Variants in AP3S1 observed in about 807,000 individuals in gnomAD.
The protein encoded by AP3S1 is adaptor related protein complex 3 subunit sigma 1.
AP3S1 carries 12 observed loss-of-function variants against 21.3 expected under a neutral mutation model. That is an observed-to-expected ratio of 0.56 (90% confidence interval 0.36 to 0.91). AP3S1 has a LOEUF of 0.91. Ranked by LOEUF, AP3S1 falls within the 40% of genes least tolerant of loss-of-function variation. The pLI, the probability that AP3S1 is intolerant of heterozygous loss-of-function variation, is 0.01. For synonymous variants in AP3S1, 48 were observed against 78.4 expected, an observed-to-expected ratio of 0.61 and a Z score of 2.05; for missense variants, 116 against 225.0, an observed-to-expected ratio of 0.52 and a Z score of 3.10.
intron 3 of AP3S1, among the ~76,000 whole-genome samples, chr5:115,890,575 A>G (rs1379163529): frequency 6.6e-6 from 1 of 152,196 alleles, no homozygotes; most frequent in African/African-American, 2.4e-5. Context: ...TGTTGATTAT[A>G]CAGAAAAATT....
Position 115,861,860 on chromosome 5 carries a change from C to CTT in AP3S1, c.70-4807_70-4806dup, listed in dbSNP as rs1485174401. The stretch of plus-strand genomic sequence containing the variant: ...CTGAACCAGGCCAAAATTTTCTTTT[C>CTT]TTTTCTTTTTTTTTTTTTTTTTTTG... On this transcript the variant is annotated intron_variant, in intron 1 of 5. Transcript: ENST00000316788. Among the ~76,000 whole-genome samples the CTT allele has an allele frequency of 4.6e-3, 553 of 119,820 alleles. 16 individuals carry two copies. Among genetic ancestry groups the CTT allele is most frequent in the Middle Eastern group, 0.01 (2 of 196 alleles). 78.6% of individuals were successfully genotyped at this position (119,820 alleles called of 152,430 possible).
At chr5:115,870,348 C>T (rs1748118722) in intron 3 of AP3S1, among the ~76,000 whole-genome samples, 1 of 152,094 alleles carries the variant, frequency 6.6e-6, no homozygotes, top group Non-Finnish European at 1.5e-5. Context: ...TTTTATCTTG[C>T]TCATGTAAGT....
intron 3 of AP3S1, among the ~76,000 whole-genome samples, chr5:115,874,379 T>A (rs1009913224): frequency 6.6e-6 from 1 of 152,062 alleles, no homozygotes; most frequent in Admixed American, 6.6e-5. Context: ...TAATGTTGGG[T>A]TGAGTTATTT....
chr5:115,844,484 C>T (rs1466788659), intron 1 of AP3S1, among the ~76,000 whole-genome samples: 1 of 152,190 alleles, frequency 6.6e-6, no homozygotes, highest in African/African-American at 2.4e-5. Context: ...GTAAGAAAGG[C>T]AGCCTTGCAG....
chr5:115,872,913 C>T (rs1405352618), intron 3 of AP3S1, among the ~76,000 whole-genome samples: 2 of 152,042 alleles, frequency 1.3e-5, no homozygotes, highest in African/African-American at 4.8e-5. Flanking sequence ...CTCTGTTTCC[C>T]ATGACTGAAG....
intron 5 of AP3S1, among the ~76,000 whole-genome samples, chr5:115,912,427 G>T (rs115474128): frequency 6.6e-6 from 1 of 151,956 alleles, no homozygotes; most frequent in Non-Finnish European, 1.5e-5. Context: ...GGCTGTTAAC[G>T]TAGGTGAGAA....
intron 4 of AP3S1, among the ~76,000 whole-genome samples, chr5:115,901,689 G>A (rs1267827535): frequency 6.6e-6 from 1 of 151,898 alleles, no homozygotes; most frequent in African/African-American, 2.4e-5. Context: ...CGAGTAGCTG[G>A]AAGTACAGAC....
intron 1 of AP3S1, among the ~76,000 whole-genome samples, chr5:115,856,000 T>C (rs1256794821): frequency 6.6e-6 from 1 of 152,168 alleles, no homozygotes; most frequent in Non-Finnish European, 1.5e-5. Flanking sequence ...TTTTAAAGTT[T>C]ATTTTTGTTT....
chr5:115,873,358 G>T (rs931010317), intron 3 of AP3S1, among the ~76,000 whole-genome samples: 1 of 152,108 alleles, frequency 6.6e-6, no homozygotes, highest in African/African-American at 2.4e-5. Flanking sequence ...CACTTGTTTT[G>T]ATATTAGATA....
At chr5:115,889,124 C>T (rs1387197906) in intron 3 of AP3S1, among the ~76,000 whole-genome samples, 1 of 151,986 alleles carries the variant, frequency 6.6e-6, no homozygotes, top group African/African-American at 2.4e-5. Context: ...CTATCACGAA[C>T]TTTTTTTTCT....
chr5:115,876,098 C>G (rs1332497434), intron 3 of AP3S1, among the ~76,000 whole-genome samples: 1 of 152,138 alleles, frequency 6.6e-6, no homozygotes, highest in Admixed American at 6.5e-5. Context: ...GGATTTGAAT[C>G]TTGGCTCTGT....
intron 5 of AP3S1, among the ~76,000 whole-genome samples, chr5:115,905,613 C>G (rs1421318635): frequency 6.6e-6 from 1 of 152,174 alleles, no homozygotes; most frequent in African/African-American, 2.4e-5. Context: ...TAAAACAGCA[C>G]TGAAAATTAT....
chr5:115,847,565 G>A (rs956622886), intron 1 of AP3S1, among the ~76,000 whole-genome samples: 2 of 152,234 alleles, frequency 1.3e-5, no homozygotes, highest in Non-Finnish European at 2.9e-5. Context: ...GCTGCAATGA[G>A]CTGAGATTGC....
chr5:115,866,799 C>T (rs438406), intron 2 of AP3S1, 38 bp downstream of exon 2: 1 of 1,413,988 alleles, frequency 7.1e-7, no homozygotes, highest in Non-Finnish European at 9.8e-7. Context: ...TAAGTTTTGA[C>T]TATGTGATTA....
intron 1 of AP3S1, among the ~76,000 whole-genome samples, chr5:115,858,918 C>G (rs1203839588): frequency 6.6e-6 from 1 of 150,388 alleles, no homozygotes; most frequent in Non-Finnish European, 1.5e-5. Flanking sequence ...TTATGTTTAA[C>G]TTTTTAAAAA....
chr5:115,852,772 T>G (rs1762530176), intron 1 of AP3S1, among the ~76,000 whole-genome samples: 2 of 152,290 alleles, frequency 1.3e-5, no homozygotes, highest in South Asian at 4.1e-4. Context: ...AGGATTTGCC[T>G]ATGTTGTAGC....
chr5:115,897,391 A>C (rs970948720), intron 4 of AP3S1, among the ~76,000 whole-genome samples: 1 of 152,202 alleles, frequency 6.6e-6, no homozygotes, highest in African/African-American at 2.4e-5. Flanking sequence ...CAAAAGACAG[A>C]GATCAAATAA....
At position 115,895,497 on chromosome 5, in the gene AP3S1, TATATC is replaced by T. The variant is rs376097153; in HGVS notation, c.345+343_345+347del. Reference sequence around the variant, plus strand: ...ACTGGATTTTTAAGGGATTAGTAGATATATCATACATAGAAAAGGAGAGGATGGTC... The same window carrying T: ...ACTGGATTTTTAAGGGATTAGTAGATATACATAGAAAAGGAGAGGATGGTC... On this transcript the variant is annotated intron_variant, in intron 4 of 5. Coordinates refer to ENST00000316788, the MANE Select transcript of AP3S1 (RefSeq NM_001284.4). Among the ~76,000 whole-genome samples, 161 of 152,298 alleles carry T rather than the reference TATATC, an allele frequency of 1.1e-3. No individual in the cohort carries two copies. In the South Asian group the frequency reaches 0.012, roughly 11 times the overall value.
intron 1 of AP3S1, among the ~76,000 whole-genome samples, chr5:115,850,077 G>A (rs1051736312): frequency 2.6e-5 from 4 of 152,102 alleles, no homozygotes; most frequent in African/African-American, 9.7e-5. Context: ...TTTATGTGAA[G>A]CCCACTAGAC....
Sources: allele counts gnomAD v4.1 joint callset (sites outside exome capture counted in the v4.1 genomes callset), GRCh38; gene constraint gnomAD v4.1.1; transcripts MANE v1.5; gene names NCBI Gene and HGNC (gene_info 2026-07-23, HGNC 2026-07-21).